The following KCNMA1 variants were observed in gnomAD, a reference collection of about 807,000 sequenced individuals.
The protein encoded by KCNMA1 is Calcium-activated potassium channel subunit alpha-1.
Under a neutral mutation model 140.0 loss-of-function variants are expected in KCNMA1, and 29 were observed. The observed-to-expected ratio is 0.21, with a 90% CI of 0.15 to 0.28. KCNMA1 has a LOEUF of 0.28. Ranked by LOEUF, KCNMA1 falls within the 10% of genes least tolerant of loss-of-function variation. KCNMA1 has a pLI of 1.00. For missense variants in KCNMA1, 880 were observed against 1,602.2 expected, an observed-to-expected ratio of 0.55 and a Z score of 7.70; for synonymous variants, 612 against 611.9, an observed-to-expected ratio of 1.00 and a Z score of 0.00.
intron 2 of KCNMA1, among the ~76,000 whole-genome samples, chr10:77,328,273 T>C (rs572953675): frequency 3.7e-4 from 57 of 152,340 alleles, no homozygotes; most frequent in African/African-American, 1.3e-3. Context: ...GAAGAACAAG[T>C]AAGTGCTTAT....
chr10:76,970,282 C>A (rs1592315720), intron 19 of KCNMA1: 17 of 501,548 alleles, frequency 3.4e-5, no homozygotes, highest in Middle Eastern at 5.1e-4. Flanking sequence ...AGCCTTTGAA[C>A]ATACACTTTA....
At chr10:77,201,426 A>T (rs2042420393) in intron 3 of KCNMA1, among the ~76,000 whole-genome samples, 1 of 152,212 alleles carries the variant, frequency 6.6e-6, no homozygotes, top group African/African-American at 2.4e-5. Flanking sequence ...GGAGAAGACA[A>T]TACACACTGA....
At chr10:77,551,953 G>A (rs2062960189) in intron 1 of KCNMA1, among the ~76,000 whole-genome samples, 1 of 152,056 alleles carries the variant, frequency 6.6e-6, no homozygotes, top group Non-Finnish European at 1.5e-5. Context: ...CAGAAGTGAC[G>A]AGGATGAGGT....
chr10:77,299,173 G>A (rs2075971771), intron 2 of KCNMA1, among the ~76,000 whole-genome samples: 1 of 152,180 alleles, frequency 6.6e-6, no homozygotes, highest in East Asian at 1.9e-4. Flanking sequence ...GATGGGGAAA[G>A]TTGAAGACCA....
chr10:77,112,539 CT>C lies in KCNMA1; in HGVS notation c.885-98del, dbSNP rs1340781141. 11 of 810,240 alleles carry C rather than the reference CT, an allele frequency of 1.4e-5. No homozygotes were observed. The Admixed American group carries it at 2.1e-4, about 15-fold the overall frequency. The allele number at this position is 810,240 out of a possible 1,614,324, so 50.2% of individuals were successfully genotyped here. A position where few individuals can be genotyped will look rare whatever the true frequency, so the allele number is the denominator to read the frequency against. On this transcript the variant is annotated intron_variant, in intron 6 of 27. Transcript: ENST00000286628. Reference sequence around the variant, plus strand: ...AACAGCACCCGCTTAGCAGGAGAGGCTGCCACATCTAACTCCCAACCATTTC... The same window carrying C: ...AACAGCACCCGCTTAGCAGGAGAGGCGCCACATCTAACTCCCAACCATTTC...
intron 3 of KCNMA1, among the ~76,000 whole-genome samples, chr10:77,246,208 AGAATGAGCCATGCTG>A (rs1177202654): frequency 6.6e-6 from 1 of 152,254 alleles, no homozygotes; most frequent in Non-Finnish European, 1.5e-5. Flanking sequence ...AGATGGCTTT[AGAATGAGCCATGCTG>A]GAATCTAATC....
chr10:77,276,836 T>A (rs2066825194), intron 2 of KCNMA1, among the ~76,000 whole-genome samples: 1 of 152,138 alleles, frequency 6.6e-6, no homozygotes. Flanking sequence ...TGGTACATAT[T>A]TTGTGCCAGG....
chr10:77,244,853 G>C lies in KCNMA1; in HGVS notation c.602+6342C>G, dbSNP rs140478496. ...TATTTACAGCCTCTTTGCCCTGAAGGCATCTTCTCTTCCACCATCCCTGAG... is the reference window on the plus strand; with the variant it reads ...TATTTACAGCCTCTTTGCCCTGAAGCCATCTTCTCTTCCACCATCCCTGAG... On this transcript the variant is annotated intron_variant, in intron 3 of 27. Coordinates refer to ENST00000286628, the MANE Select transcript of KCNMA1 (RefSeq NM_001161352.2). Among the ~76,000 whole-genome samples, 502 of 152,294 alleles carry C rather than the reference G, an allele frequency of 3.3e-3. 4 individuals are homozygous for C. Among genetic ancestry groups the C allele is most frequent in the African/African-American group, 0.011 (443 of 41,570 alleles).
chr10:77,546,897 A>G (rs2061573138), intron 1 of KCNMA1, among the ~76,000 whole-genome samples: 1 of 152,158 alleles, frequency 6.6e-6, no homozygotes, highest in Non-Finnish European at 1.5e-5. Context: ...ACCCACTCTC[A>G]TTCCATCACC....
chr10:76,951,879 C>T (rs2066387681), intron 21 of KCNMA1, among the ~76,000 whole-genome samples: 2 of 152,160 alleles, frequency 1.3e-5, no homozygotes, highest in Admixed American at 1.3e-4. Context: ...AACTCCTCTT[C>T]CCCCAGCCCC....
At chr10:77,631,836 G>A (rs1015319376) in intron 1 of KCNMA1, among the ~76,000 whole-genome samples, 1 of 152,140 alleles carries the variant, frequency 6.6e-6, no homozygotes, top group Non-Finnish European at 1.5e-5. Context: ...TTGTATGTTT[G>A]GTCAAGTTTC....
At chr10:77,088,830 A>C (rs1172598727) in intron 10 of KCNMA1, among the ~76,000 whole-genome samples, 1 of 152,226 alleles carries the variant, frequency 6.6e-6, no homozygotes, top group Non-Finnish European at 1.5e-5. Flanking sequence ...CTCATTCAGA[A>C]GCCTGCCCGG....
At chr10:77,541,321 A>T (rs969529316) in intron 1 of KCNMA1, among the ~76,000 whole-genome samples, 1 of 152,240 alleles carries the variant, frequency 6.6e-6, no homozygotes, top group East Asian at 1.9e-4. Context: ...GATTGACAAT[A>T]AAAAGACAAA....
intron 14 of KCNMA1, among the ~76,000 whole-genome samples, chr10:77,061,088 T>C (rs2095729198): frequency 1.3e-5 from 2 of 152,330 alleles, no homozygotes; most frequent in African/African-American, 4.8e-5. Context: ...AACTAATACA[T>C]AGAGTTTCAT....
chr10:77,322,102 G>T lies in KCNMA1; in HGVS notation c.541-70846C>A, dbSNP rs372110259. ...GGGATTCAAGCTGATTGTATCTTGT[G>T]GTCTACAATCTCAATGCATGGCCTC... On this transcript the variant is annotated intron_variant, in intron 2 of 27. Transcript: ENST00000286628. Among the ~76,000 whole-genome samples, 27 of 152,266 alleles carry T rather than the reference G, an allele frequency of 1.8e-4. No homozygotes were observed. The East Asian group carries it at 5.2e-3, about 29-fold the overall frequency.
chr10:77,577,228 T>TA (rs535994725), intron 1 of KCNMA1, among the ~76,000 whole-genome samples: 14 of 152,070 alleles, frequency 9.2e-5, no homozygotes, highest in African/African-American at 3.1e-4. Context: ...TTTGTATTTT[T>TA]AGTAGAGACG....
At chr10:77,203,555 C>T in intron 3 of KCNMA1, among the ~76,000 whole-genome samples, 1 of 152,110 alleles carries the variant, frequency 6.6e-6, no homozygotes, top group East Asian at 1.9e-4. Flanking sequence ...TATCTGTCTC[C>T]CTTCCCTGCT....
chr10:77,631,106 C>CA (rs397944676), intron 1 of KCNMA1, among the ~76,000 whole-genome samples: 1,598 of 60,950 alleles, frequency 0.026, 18 homozygotes, highest in Non-Finnish European at 0.033. Context: ...GACCCTGTCC[C>CA]AAAAAAAAAA....
At chr10:77,039,185 G>A (rs923505229) in intron 15 of KCNMA1, 5 of 350,028 alleles carry the variant, frequency 1.4e-5, no homozygotes, top group Non-Finnish European at 2.7e-5. Flanking sequence ...GATTTGTTTT[G>A]CCCTCTTAGA....
Sources: allele counts gnomAD v4.1 joint callset (sites outside exome capture counted in the v4.1 genomes callset), GRCh38; gene constraint gnomAD v4.1.1; transcripts MANE v1.5; gene names NCBI Gene and HGNC (gene_info 2026-07-23, HGNC 2026-07-21).